NXPH1: variants seen among roughly 807,000 people sequenced by gnomAD.
NXPH1 encodes neurexophilin 1, also known as neurexophilin-1.
NXPH1 carries 5 observed loss-of-function variants against 23.7 expected under a neutral mutation model. That is an observed-to-expected ratio of 0.21 (90% CI 0.11 to 0.44). The LOEUF is 0.44. Among genes scored for constraint, NXPH1 ranks in the 20% least tolerant of loss-of-function variants. NXPH1 has a pLI of 0.99. For synonymous variants in NXPH1, 144 were observed against 122.2 expected, an observed-to-expected ratio of 1.18 and a Z score of -1.18; for missense variants, 324 against 321.6, an observed-to-expected ratio of 1.01 and a Z score of -0.06.
At chr7:8,720,967 G>C (rs1337477089) in intron 2 of NXPH1, among the ~76,000 whole-genome samples, 1 of 152,192 alleles carries the variant, frequency 6.6e-6, no homozygotes, top group Admixed American at 6.5e-5. Context: ...GTAGAGTCAT[G>C]ACAACTGAAT....
chr7:8,682,798 T>C (rs1821077756), intron 2 of NXPH1, among the ~76,000 whole-genome samples: 1 of 152,228 alleles, frequency 6.6e-6, no homozygotes, highest in African/African-American at 2.4e-5. Flanking sequence ...AGATATGCCA[T>C]TTAAAGGAAT....
At position 8,523,858 on chromosome 7, in the gene NXPH1, C is replaced by G. The variant is rs114399807; in HGVS notation, c.54+88091C>G. Among the ~76,000 whole-genome samples the G allele has an allele frequency of 3.5e-3, 528 of 152,264 alleles. 1 individual carries two copies. Among genetic ancestry groups the G allele is most frequent in the African/African-American group, 0.012 (500 of 41,542 alleles). ...TGGACATGATTGCTGTCCTTCCCCA[C>G]TAACCATTTGCTTTTGCCAACCTGC... On this transcript the variant is annotated intron_variant, in intron 2 of 2. Coordinates refer to ENST00000405863, the MANE Select transcript of NXPH1 (RefSeq NM_152745.3).
At chr7:8,692,578 C>T (rs1437248317) in intron 2 of NXPH1, among the ~76,000 whole-genome samples, 3 of 152,076 alleles carry the variant, frequency 2.0e-5, no homozygotes, top group Non-Finnish European at 2.9e-5. Flanking sequence ...CTACTTTTTT[C>T]CTGTTTAGTT....
chr7:8,444,549 C>T (rs1446905674), intron 2 of NXPH1, among the ~76,000 whole-genome samples: 1 of 152,240 alleles, frequency 6.6e-6, no homozygotes, highest in African/African-American at 2.4e-5. Context: ...CTTTTTCACA[C>T]TCAGAAGTTG....
chr7:8,541,125 T>C (rs1192264214), intron 2 of NXPH1, among the ~76,000 whole-genome samples: 1 of 151,702 alleles, frequency 6.6e-6, no homozygotes, highest in Non-Finnish European at 1.5e-5. Context: ...AGAGATGACA[T>C]GAATGTTAGA....
At chr7:8,466,828 C>G (rs551252970) in intron 2 of NXPH1, among the ~76,000 whole-genome samples, 1 of 151,848 alleles carries the variant, frequency 6.6e-6, no homozygotes, top group South Asian at 2.1e-4. Flanking sequence ...CTGCCCAGCT[C>G]CATTTTGTGG....
intron 2 of NXPH1, among the ~76,000 whole-genome samples, chr7:8,656,942 A>G (rs997956230): frequency 6.6e-6 from 1 of 152,186 alleles, no homozygotes; most frequent in African/African-American, 2.4e-5. Context: ...TGAATTTACA[A>G]TTCTTCAGCA....
In NXPH1 at chr7:8,524,558, T is replaced by C. The variant is rs76357019; in HGVS notation, c.54+88791T>C. On this transcript the variant is annotated intron_variant, in intron 2 of 2. Transcript: ENST00000405863. The stretch of plus-strand genomic sequence containing the variant: ...CAATTAAGGGGACTTTTGTTTAAAA[T>C]GACAATGCCAAGGTGTCTGATATGG... 2.6e-4 allele frequency among the ~76,000 whole-genome samples: 40 copies of C among 152,322 alleles called. No individual in the cohort carries two copies. The East Asian group carries it at 5.6e-3, about 21-fold the overall frequency.
intron 2 of NXPH1, among the ~76,000 whole-genome samples, chr7:8,534,186 A>G (rs1029492965): frequency 1.3e-5 from 2 of 152,224 alleles, no homozygotes; most frequent in African/African-American, 2.4e-5. Context: ...ATCACTTGAC[A>G]TAGTTAGAGG....
At chr7:8,481,857 A>G (rs1327923626) in intron 2 of NXPH1, among the ~76,000 whole-genome samples, 6 of 151,986 alleles carry the variant, frequency 3.9e-5, no homozygotes, top group African/African-American at 1.4e-4. Flanking sequence ...CCCAGTGTCT[A>G]TTGTTACCAT....
intron 2 of NXPH1, among the ~76,000 whole-genome samples, chr7:8,732,349 G>C (rs921676815): frequency 6.6e-6 from 1 of 152,236 alleles, no homozygotes; most frequent in Non-Finnish European, 1.5e-5. Flanking sequence ...TTCCCATTCG[G>C]CCATCTTGGC....
chr7:8,456,176 G>A (rs1476490603), intron 2 of NXPH1, among the ~76,000 whole-genome samples: 1 of 152,120 alleles, frequency 6.6e-6, no homozygotes, highest in Non-Finnish European at 1.5e-5. Context: ...TAAAGCCACA[G>A]GATTTTACTG....
chr7:8,731,990 A>G (rs1032204797), intron 2 of NXPH1, among the ~76,000 whole-genome samples: 2 of 152,232 alleles, frequency 1.3e-5, no homozygotes, highest in African/African-American at 4.8e-5. Context: ...AGCAATCAGC[A>G]AGACTCCGCG....
intron 2 of NXPH1, among the ~76,000 whole-genome samples, chr7:8,449,535 T>C (rs1238286395): frequency 6.6e-6 from 1 of 152,196 alleles, no homozygotes; most frequent in Admixed American, 6.5e-5. Flanking sequence ...ATCTTTACTG[T>C]TAATATATTA....
intron 2 of NXPH1, among the ~76,000 whole-genome samples, chr7:8,600,504 C>A (rs1227957006): frequency 2.0e-5 from 3 of 152,130 alleles, no homozygotes; most frequent in Admixed American, 6.6e-5. Context: ...AAAGGCCTGT[C>A]ACTGTGGTCA....
intron 2 of NXPH1, among the ~76,000 whole-genome samples, chr7:8,725,684 C>CT (rs931112103): frequency 6.6e-6 from 1 of 152,124 alleles, no homozygotes; most frequent in African/African-American, 2.4e-5. Flanking sequence ...ATCTACTAGA[C>CT]TTTATTTTTT....
intron 2 of NXPH1, among the ~76,000 whole-genome samples, chr7:8,649,076 A>G (rs1820444852): frequency 6.6e-6 from 1 of 151,328 alleles, no homozygotes; most frequent in African/African-American, 2.4e-5. Flanking sequence ...GATGGTACTT[A>G]TTCATCTATT....
At chr7:8,732,502 A>C (rs1024971240) in intron 2 of NXPH1, among the ~76,000 whole-genome samples, 2 of 152,196 alleles carry the variant, frequency 1.3e-5, no homozygotes, top group Non-Finnish European at 2.9e-5. Flanking sequence ...GAAAGAAGCA[A>C]TTCCTACATA....
In NXPH1 at chr7:8,474,763, A is replaced by G. The variant is rs114317217; in HGVS notation, c.54+38996A>G. 8.0e-3 allele frequency among the ~76,000 whole-genome samples: 1,218 copies of G among 151,998 alleles called. 16 individuals are homozygous for G. Among genetic ancestry groups the G allele is most frequent in the African/African-American group, 0.027 (1,128 of 41,438 alleles). ...ACTTCATCGAGGTCTATACTTTTTC[A>G]TGTCTCTTTTTTCCAACCTCACTTT... is the stretch of plus-strand genomic sequence containing the variant. On this transcript the variant is annotated intron_variant, in intron 2 of 2. Coordinates refer to ENST00000405863, the MANE Select transcript of NXPH1 (RefSeq NM_152745.3).
Sources: gnomAD v4.1 joint callset for allele counts (sites outside exome capture counted in the v4.1 genomes callset) on GRCh38, gnomAD v4.1.1 for gene constraint, MANE v1.5 for transcripts, NCBI Gene and HGNC (gene_info 2026-07-23, HGNC 2026-07-21) for gene names.